SCAPER: variants seen among roughly 807,000 people sequenced by gnomAD.
SCAPER encodes S phase cyclin A-associated protein in the endoplasmic reticulum.
In SCAPER, 98 loss-of-function variants were observed where a neutral mutation model predicts 182.2. The observed-to-expected ratio is 0.54, with a 90% CI of 0.46 to 0.64. SCAPER has a LOEUF of 0.64. SCAPER is among the 30% of genes least tolerant of loss of function. SCAPER has a pLI of 0.00. For synonymous variants in SCAPER, 605 were observed against 564.6 expected (o/e 1.07, Z -1.01); for missense variants, 1,432 against 1,690.0 (o/e 0.85, Z 2.68).
At chr15:76,734,323 C>G (rs280031) in intron 15 of SCAPER, among the ~76,000 whole-genome samples, 147,898 of 152,296 alleles carry the variant, frequency 0.97, 71,939 homozygotes, top group South Asian at 1. Flanking sequence ...AAAGCCAGAG[C>G]GGAGGGTATG....
intron 25 of SCAPER, among the ~76,000 whole-genome samples, chr15:76,441,245 A>G (rs1166036791): frequency 6.6e-6 from 1 of 152,034 alleles, no homozygotes; most frequent in Non-Finnish European, 1.5e-5. Context: ...TTATGCCACA[A>G]ACAATGTTAT....
intron 26 of SCAPER, among the ~76,000 whole-genome samples, chr15:76,409,437 C>T (rs1046450630): frequency 3.3e-5 from 5 of 152,160 alleles, no homozygotes; most frequent in Admixed American, 6.5e-5. Context: ...AAATGAGTCC[C>T]TTTGCAGCTT....
intron 8 of SCAPER, among the ~76,000 whole-genome samples, chr15:76,777,261 A>G (rs1055319006): frequency 8.5e-5 from 13 of 152,226 alleles, no homozygotes; most frequent in Non-Finnish European, 1.2e-4. Flanking sequence ...TTTTATTAAT[A>G]TATGTGGTGA....
intron 18 of SCAPER, among the ~76,000 whole-genome samples, chr15:76,703,533 G>C (rs1486922698): frequency 6.6e-6 from 1 of 152,026 alleles, no homozygotes; most frequent in Non-Finnish European, 1.5e-5. Flanking sequence ...AATCCTGGGG[G>C]AAAAAACGCT....
intron 20 of SCAPER, among the ~76,000 whole-genome samples, chr15:76,666,951 T>C (rs2056617842): frequency 6.6e-6 from 1 of 152,220 alleles, no homozygotes; most frequent in Non-Finnish European, 1.5e-5. Flanking sequence ...CGCATTTTTA[T>C]GGTTATTTCT....
At chr15:76,733,107 G>A (rs1248835947) in intron 16 of SCAPER, 122 bp downstream of exon 16, 3 of 890,100 alleles carry the variant, frequency 3.4e-6, no homozygotes, top group African/African-American at 1.7e-5. Flanking sequence ...TTTGTCTTAT[G>A]TCTTTATTTC....
chr15:76,714,686 GA>G (rs1211627567), intron 17 of SCAPER, among the ~76,000 whole-genome samples: 1 of 152,054 alleles, frequency 6.6e-6, no homozygotes, highest in Non-Finnish European at 1.5e-5. Flanking sequence ...TGTACACTTA[GA>G]TTTGTGTATT....
chr15:76,632,052 T>G (rs2053159783), intron 21 of SCAPER, among the ~76,000 whole-genome samples: 1 of 152,214 alleles, frequency 6.6e-6, no homozygotes, highest in African/African-American at 2.4e-5. Context: ...AGTTCTGATA[T>G]CCTTTCTTCC....
intron 8 of SCAPER, among the ~76,000 whole-genome samples, chr15:76,794,696 G>A (rs2151471310): frequency 6.6e-6 from 1 of 152,150 alleles, no homozygotes; most frequent in East Asian, 1.9e-4. Context: ...TAAAATCCCA[G>A]CCTCTGTGGA....
intron 1 of SCAPER, among the ~76,000 whole-genome samples, chr15:76,892,479 A>C (rs962958358): frequency 1.3e-5 from 2 of 152,212 alleles, no homozygotes; most frequent in African/African-American, 2.4e-5. Context: ...ATTTACAAGA[A>C]AAAAAACAAC....
intron 21 of SCAPER, among the ~76,000 whole-genome samples, chr15:76,640,996 A>C (rs1220112217): frequency 6.6e-6 from 1 of 152,286 alleles, no homozygotes; most frequent in South Asian, 2.1e-4. Flanking sequence ...AAACGGAAGC[A>C]TGAGGGGCGC....
At chr15:76,858,384 T>A (rs1176689110) in intron 3 of SCAPER, among the ~76,000 whole-genome samples, 1 of 152,226 alleles carries the variant, frequency 6.6e-6, no homozygotes, top group Non-Finnish European at 1.5e-5. Flanking sequence ...TTTCACTCAT[T>A]CTTTTTTATA....
intron 29 of SCAPER, among the ~76,000 whole-genome samples, chr15:76,357,190 C>CACACACACACACACACA (rs1364364928): frequency 4.2e-4 from 17 of 40,210 alleles, no homozygotes; most frequent in South Asian, 2.8e-3. Flanking sequence ...ACACACACAC[C>CACACACACACACACACA]CCTATGGCCA....
intron 26 of SCAPER, among the ~76,000 whole-genome samples, chr15:76,429,927 G>A (rs567245082): frequency 6.6e-6 from 1 of 152,274 alleles, no homozygotes; most frequent in Admixed American, 6.5e-5. Context: ...TGGAGGCCTA[G>A]GAGGAAAAGA....
intron 23 of SCAPER, among the ~76,000 whole-genome samples, chr15:76,515,058 G>C (rs2042312853): frequency 6.6e-6 from 1 of 152,190 alleles, no homozygotes; most frequent in Non-Finnish European, 1.5e-5. Flanking sequence ...AACATACTGT[G>C]GGAAGGTGAT....
At chr15:76,608,711 A>C (rs2050695023) in intron 22 of SCAPER, among the ~76,000 whole-genome samples, 1 of 152,092 alleles carries the variant, frequency 6.6e-6, no homozygotes, top group Admixed American at 6.5e-5. Context: ...TCAAACAACT[A>C]ATTCGGCAAT....
chr15:76,777,212 C>T (rs1033961586), intron 8 of SCAPER, among the ~76,000 whole-genome samples: 1 of 152,144 alleles, frequency 6.6e-6, no homozygotes, highest in African/African-American at 2.4e-5. Context: ...GAGGAAGTGG[C>T]ACATTTATCA....
intron 21 of SCAPER, among the ~76,000 whole-genome samples, chr15:76,662,144 A>G (rs1286035652): frequency 6.6e-6 from 1 of 152,152 alleles, no homozygotes; most frequent in Non-Finnish European, 1.5e-5. Flanking sequence ...GAACACATGG[A>G]CACAGGGAGG....
chr15:76,721,166 C>A (rs1056547429), intron 17 of SCAPER, among the ~76,000 whole-genome samples: 4 of 152,164 alleles, frequency 2.6e-5, no homozygotes, highest in African/African-American at 7.2e-5. Flanking sequence ...TGCCCAGCAC[C>A]TTTTATTAAA....
Sources: gnomAD v4.1 joint callset for allele counts (sites outside exome capture counted in the v4.1 genomes callset) on GRCh38, gnomAD v4.1.1 for gene constraint, MANE v1.5 for transcripts, NCBI Gene and HGNC (gene_info 2026-07-23, HGNC 2026-07-21) for gene names.